The following FAM107B variants were observed in gnomAD, a reference collection of about 807,000 sequenced individuals.
FAM107B encodes the protein protein FAM107B.
A neutral mutation model predicts 31.5 loss-of-function variants in FAM107B; 21 were observed. The ratio of observed to expected loss-of-function variants is 0.67; its 90% CI spans 0.47 to 0.96. The LOEUF (loss-of-function observed/expected upper bound fraction) is 0.96, where lower values mean the gene tolerates loss of function less well. FAM107B is among the 40% of genes least tolerant of loss of function. FAM107B has a pLI of 0.00. For synonymous variants in FAM107B, 157 were observed against 141.5 expected (o/e 1.11, Z -0.78); for missense variants, 452 against 377.1 (o/e 1.20, Z -1.64).
intron 2 of FAM107B, among the ~76,000 whole-genome samples, chr10:14,531,309 A>G (rs926220692): frequency 1.3e-5 from 2 of 151,430 alleles, no homozygotes; most frequent in African/African-American, 4.9e-5. Flanking sequence ...CACTGAGGCC[A>G]GGAGCTCAAG....
Position 14,530,477 on chromosome 10 carries a change from G to A in FAM107B, c.508C>T (p.Leu170Phe), listed in dbSNP as rs375503819. 6.2e-7 allele frequency: 1 copy of A among 1,613,844 alleles called. No homozygotes were observed. The highest frequency in any genetic ancestry group is 1.3e-5 in the African/African-American group (1 of 74,914). The change falls in exon 3 of 5, where the codon CTC becomes TTC. Residue 170 changes from leucine (L) to phenylalanine (F), a missense_variant. Physicochemically the swap from Leu to Phe is conservative, Grantham distance 22 (BLOSUM62 0). Transcript: ENST00000181796. ...PEDIDHKDSY[L>F]ITRSIMAEPD... ...TCGGCCATGATGCTTCTTGTAATGA[G>A]ATATGAGTCCTTATGGTCAATATCC...
intron 2 of FAM107B, among the ~76,000 whole-genome samples, chr10:14,588,166 G>A (rs1031755633): frequency 5.9e-5 from 9 of 152,034 alleles, no homozygotes; most frequent in African/African-American, 1.7e-4. Flanking sequence ...ATGTGCTCAC[G>A]TCCACCAAGA....
chr10:14,731,461 C>G (rs1286963755), intron 1 of FAM107B, among the ~76,000 whole-genome samples: 1 of 152,170 alleles, frequency 6.6e-6, no homozygotes, highest in Non-Finnish European at 1.5e-5. Flanking sequence ...ACTTGGAAGG[C>G]TGAGACAGGA....
intron 1 of FAM107B, among the ~76,000 whole-genome samples, chr10:14,696,307 T>A (rs1855263887): frequency 6.6e-6 from 1 of 152,362 alleles, no homozygotes; most frequent in Non-Finnish European, 1.5e-5. Context: ...TTTGCATATG[T>A]TAAAACCAGG....
intron 2 of FAM107B, among the ~76,000 whole-genome samples, chr10:14,551,283 G>GACT (rs1379614256): frequency 6.6e-6 from 1 of 152,014 alleles, no homozygotes; most frequent in African/African-American, 2.4e-5. Flanking sequence ...GAGTAGCTGG[G>GACT]ACTACAGGCG....
chr10:14,618,562 C>A (rs552822262), intron 2 of FAM107B, among the ~76,000 whole-genome samples: 1 of 152,280 alleles, frequency 6.6e-6, no homozygotes, highest in African/African-American at 2.4e-5. Flanking sequence ...ACGGGCCGGG[C>A]TTGGTGGCTC....
rs1855095883 is a variant in FAM107B, at chr10:14,690,109, C to T, written c.412-22418G>A. 7.2e-5 allele frequency among the ~76,000 whole-genome samples: 11 copies of T among 152,292 alleles called. 1 individual carries two copies. The South Asian group carries it at 2.3e-3, about 32-fold the overall frequency. ...TCCAATATCCTCCATGTGACCCATCCTTCTCCTCCTGCCTGTTGATTGATC... is the reference window on the plus strand; with the variant it reads ...TCCAATATCCTCCATGTGACCCATCTTTCTCCTCCTGCCTGTTGATTGATC... On this transcript the variant is annotated intron_variant, in intron 1 of 4. Transcript: ENST00000181796.
intron 2 of FAM107B, among the ~76,000 whole-genome samples, chr10:14,590,504 A>G (rs1047651578): frequency 2.0e-5 from 3 of 152,216 alleles, no homozygotes; most frequent in African/African-American, 7.2e-5. Flanking sequence ...TTGTCCCAAA[A>G]TCAAACTGCG....
chr10:14,748,611 G>A (rs1235862971), intron 1 of FAM107B, among the ~76,000 whole-genome samples: 1 of 152,220 alleles, frequency 6.6e-6, no homozygotes, highest in African/African-American at 2.4e-5. Flanking sequence ...TTCTTGGCCC[G>A]ACAACAGTGG....
intron 2 of FAM107B, among the ~76,000 whole-genome samples, chr10:14,559,721 G>C (rs1850068955): frequency 1.4e-5 from 2 of 146,456 alleles, no homozygotes; most frequent in African/African-American, 5.0e-5. Flanking sequence ...ACAGGCGCCA[G>C]CCACCGCGCC....
intron 1 of FAM107B, among the ~76,000 whole-genome samples, chr10:14,727,492 C>T (rs1856064528): frequency 6.6e-6 from 1 of 152,212 alleles, no homozygotes; most frequent in Non-Finnish European, 1.5e-5. Flanking sequence ...AGAGGATAGC[C>T]TGGAAATCCA....
intron 1 of FAM107B, among the ~76,000 whole-genome samples, chr10:14,722,961 T>A (rs1855947127): frequency 6.6e-6 from 1 of 152,224 alleles, no homozygotes; most frequent in South Asian, 2.1e-4. Context: ...CATATTTAGA[T>A]CTTTGATATA....
At chr10:14,569,830 A>G (rs559027127) in intron 2 of FAM107B, among the ~76,000 whole-genome samples, 4 of 152,294 alleles carry the variant, frequency 2.6e-5, no homozygotes, top group Admixed American at 6.5e-5. Flanking sequence ...GCGCCTACTG[A>G]GATGGACAGA....
intron 2 of FAM107B, among the ~76,000 whole-genome samples, chr10:14,540,334 C>T (rs1203605440): frequency 6.6e-6 from 1 of 152,204 alleles, no homozygotes; most frequent in African/African-American, 2.4e-5. Context: ...GGCTGTGATC[C>T]GTGGTCACTA....
chr10:14,722,245 T>C (rs1418323987), intron 1 of FAM107B, among the ~76,000 whole-genome samples: 2 of 152,224 alleles, frequency 1.3e-5, no homozygotes, highest in Non-Finnish European at 2.9e-5. Flanking sequence ...TTTCTATCCC[T>C]ATAGGTTTGC....
intron 2 of FAM107B, chr10:14,532,561 C>T (rs1847132426): frequency 6.6e-6 from 1 of 152,144 alleles, no homozygotes; most frequent in South Asian, 2.1e-4. Context: ...ATGCCTGCAA[C>T]CTGAACTGAA....
intron 2 of FAM107B, among the ~76,000 whole-genome samples, chr10:14,634,707 C>G (rs934745133): frequency 1.3e-5 from 2 of 152,168 alleles, no homozygotes; most frequent in Admixed American, 1.3e-4. Flanking sequence ...CTGAGTTTCC[C>G]ATTTTTGCAG....
Position 14,530,323 on chromosome 10 carries a change from C to CA in FAM107B, c.653+8_653+9insT. On this transcript the variant is annotated intron_variant, in intron 3 of 4. Coordinates refer to ENST00000181796, the MANE Select transcript of FAM107B (RefSeq NM_031453.4). ...TTAAAAAAAAAATATGCTCAAGAAA[C>CA]CATTTTACCTTTTTTGATTCATAAG... 6.3e-7 allele frequency: 1 copy of CA among 1,598,138 alleles called. No individual in the cohort carries two copies. The highest frequency in any genetic ancestry group is 8.5e-7 in the Non-Finnish European group (1 of 1,175,404).
At chr10:14,544,918 G>A (rs1310351151) in intron 2 of FAM107B, among the ~76,000 whole-genome samples, 3 of 152,206 alleles carry the variant, frequency 2.0e-5, no homozygotes, top group African/African-American at 7.2e-5. Context: ...GTGTGTGTCT[G>A]TGTGTACAAA....
Sources: allele counts gnomAD v4.1 joint callset (sites outside exome capture counted in the v4.1 genomes callset), GRCh38; gene constraint gnomAD v4.1.1; transcripts MANE v1.5; gene names NCBI Gene and HGNC (gene_info 2026-07-23, HGNC 2026-07-21).